Variants in PML observed in about 807,000 individuals in gnomAD.
PML encodes protein PML.
PML carries 28 observed loss-of-function variants against 65.2 expected under a neutral mutation model. The ratio of observed to expected loss-of-function variants is 0.43; its 90% confidence interval spans 0.32 to 0.59. The LOEUF (loss-of-function observed/expected upper bound fraction) is 0.59, where lower values mean the gene tolerates loss of function less well. Among genes scored for constraint, PML ranks in the 20% least tolerant of loss-of-function variants. PML has a pLI of 0.08. For missense variants in PML, 1,021 were observed against 1,203.4 expected (o/e 0.85, Z 2.24); for synonymous variants, 500 against 508.8 (o/e 0.98, Z 0.23).
chr15:74,025,187 G>A (rs1236043097), intron 4 of PML: 3 of 519,410 alleles, frequency 5.8e-6, no homozygotes, highest in Non-Finnish European at 1.1e-5. Flanking sequence ...GTTAGATGTG[G>A]GGTAGACAGT....
intron 1 of PML, among the ~76,000 whole-genome samples, chr15:73,996,990 A>C (rs949178938): frequency 2.6e-5 from 4 of 152,248 alleles, no homozygotes; most frequent in African/African-American, 9.6e-5. Flanking sequence ...ATGAAAGCAG[A>C]GATTTATTGA....
At chr15:74,036,555 G>A (rs1311054267) in intron 7 of PML, among the ~76,000 whole-genome samples, 1 of 152,088 alleles carries the variant, frequency 6.6e-6, no homozygotes, top group African/African-American at 2.4e-5. Flanking sequence ...GGGAGGTAGG[G>A]TCAAGGCCCC....
At chr15:74,031,363 C>A in intron 4 of PML, 2 of 380,146 alleles carry the variant, frequency 5.3e-6, no homozygotes, top group Non-Finnish European at 1.0e-5. Flanking sequence ...CAATGTCTGC[C>A]TCAGGGCTCA....
intron 7 of PML, chr15:74,036,530 A>C: frequency 1.4e-5 from 13 of 951,264 alleles, no homozygotes; most frequent in African/African-American, 3.4e-5. Context: ...TCCCACACTC[A>C]TGGGCATCAG....
rs536545703 is a variant in PML at position 74,007,090 on chromosome 15, T to G, written c.602+8614T>G. ...GTAAGGTTTGTTTGTGCGGGCCTACTTGGTGCCAGCTTTCCATCTTCGTGG... is the reference window on the plus strand; with the variant it reads ...GTAAGGTTTGTTTGTGCGGGCCTACGTGGTGCCAGCTTTCCATCTTCGTGG... On this transcript the variant is annotated intron_variant, in intron 2 of 8. Transcript: ENST00000268058. 9.2e-5 allele frequency among the ~76,000 whole-genome samples: 14 copies of G among 152,344 alleles called. No homozygotes were observed. In the East Asian group the frequency reaches 2.7e-3, roughly 29 times the overall value.
chr15:74,045,803 T>A lies in PML; in HGVS notation c.*795T>A. 1 of 232,410 alleles carries A rather than the reference T, an allele frequency of 4.3e-6. No homozygotes were observed. Among genetic ancestry groups the A allele is most frequent in the Non-Finnish European group, 8.5e-6 (1 of 117,552 alleles). 14.4% of individuals were successfully genotyped at this position (232,410 alleles called of 1,614,324 possible). On this transcript the variant is annotated 3_prime_UTR_variant, in exon 9 of 9. Coordinates refer to ENST00000268058, the MANE Select transcript of PML (RefSeq NM_033238.3). ...GTGCCCAGCACTACTCAGCATGTAG[T>A]CCAGGACCTGCGGCATCAGCATCCC...
chr15:74,044,940 C>G lies in PML; in HGVS notation c.2581C>G (p.Arg861Gly). 1 of 1,612,926 alleles carries G rather than the reference C, an allele frequency of 6.2e-7. No homozygotes were observed. Among genetic ancestry groups the G allele is most frequent in the Non-Finnish European group, 8.5e-7 (1 of 1,179,926 alleles). The change falls in exon 9 of 9, where the codon CGG becomes GGG. Residue 861 changes from arginine (R) to glycine (G), a missense_variant. Arg to Gly is a moderately radical substitution (Grantham distance 125, BLOSUM62 -2). Transcript: ENST00000268058. ...EGLLEGPALA[R>G]AEGVSTPLAG... ...CCTGTTGGAGGGTCCGGCGCTGGCA[C>G]GGGCAGAAGGAGTCTCCACCCCACT...
In PML at chr15:74,044,736, G is replaced by T; in HGVS notation, c.2377G>T (p.Ala793Ser). The T allele has an allele frequency of 6.2e-7, 1 of 1,610,602 alleles. No homozygotes were observed. The highest frequency in any genetic ancestry group is 1.3e-5 in the African/African-American group (1 of 75,052). The change falls in exon 9 of 9, where the codon GCT becomes TCT. Residue 793 changes from alanine (A) to serine (S), a missense_variant. Physicochemically the swap from Ala to Ser is moderately conservative, Grantham distance 99. Coordinates refer to ENST00000268058, the MANE Select transcript of PML (RefSeq NM_033238.3). ...PLVQAAVLPR[A>S]EARLLALHNV... is the part of the protein sequence containing the mutation. ...GGTGCAGGCAGCTGTGCTGCCCCGG[G>T]CTGAGGCCCGCCTCCTGGCCCTACA...
chr15:74,013,997 T>G (rs553739009), intron 2 of PML, among the ~76,000 whole-genome samples: 1 of 152,306 alleles, frequency 6.6e-6, no homozygotes, highest in Admixed American at 6.5e-5. Context: ...TCTCCTTTAA[T>G]AACATATAAC....
Position 74,043,460 on chromosome 15 carries a change from T to G in PML, c.1861+321T>G. The stretch of plus-strand genomic sequence containing the variant: ...GACAGAAACACAATGCGTGAGCTCA[T>G]TGCCGTGAGCCCTGTCATCCAAGTA... On this transcript the variant is annotated intron_variant, in intron 8 of 8. Transcript: ENST00000268058. The surrounding 1 kb of genome is among the most constrained non-coding windows in gnomAD (Gnocchi z 4.3). 1 of 1,219,634 alleles carries G rather than the reference T, an allele frequency of 8.2e-7. No individual in the cohort carries two copies. Among genetic ancestry groups the G allele is most frequent in the Non-Finnish European group, 1.1e-6 (1 of 926,370 alleles). 75.6% of individuals were successfully genotyped at this position (1,219,634 alleles called of 1,614,324 possible).
At position 74,037,077 on chromosome 15, in the gene PML, G is replaced by A. The variant is rs1171483270; in HGVS notation, c.1710+2547G>A. On this transcript the variant is annotated intron_variant, in intron 7 of 8. Coordinates refer to ENST00000268058, the MANE Select transcript of PML (RefSeq NM_033238.3). The surrounding 1 kb of genome is among the most constrained non-coding windows in gnomAD (Gnocchi z 4.2). The stretch of plus-strand genomic sequence containing the variant: ...TGCCACCTGGAGACCGAGATCTGCA[G>A]GAGAAAGGCCTGGGAAAACTATGAG... 1.0e-6 allele frequency: 1 copy of A among 985,326 alleles called. No homozygotes were observed. Among genetic ancestry groups the A allele is most frequent in the African/African-American group, 1.7e-5 (1 of 57,246 alleles). The allele number at this position is 985,326 out of a possible 1,614,324, so 61.0% of individuals were successfully genotyped here.
At chr15:74,010,739 A>G (rs1336655843) in intron 2 of PML, among the ~76,000 whole-genome samples, 1 of 152,116 alleles carries the variant, frequency 6.6e-6, no homozygotes, top group Non-Finnish European at 1.5e-5. Context: ...GCCTATGGAT[A>G]AGTTGCATGT....
chr15:74,042,940 C>G lies in PML; in HGVS notation c.1711-49C>G. On this transcript the variant is annotated intron_variant, in intron 7 of 8. Coordinates refer to ENST00000268058, the MANE Select transcript of PML (RefSeq NM_033238.3). This position sits in a 1 kb window ranked among gnomAD's most constrained non-coding sequence, Gnocchi z 5.3. ...AGCTTGCTAGTGTTCTGCACAGGTGCTTGCCTTGGCCCTCTGAATCCCTGA... is the reference window on the plus strand; with the variant it reads ...AGCTTGCTAGTGTTCTGCACAGGTGGTTGCCTTGGCCCTCTGAATCCCTGA... 1 of 1,612,328 alleles carries G rather than the reference C, an allele frequency of 6.2e-7. No homozygotes were observed. Among genetic ancestry groups the G allele is most frequent in the East Asian group, 2.2e-5 (1 of 44,838 alleles).
chr15:74,043,101 G>C lies in PML; in HGVS notation c.1823G>C (p.Arg608Thr). ...ENLADPQAED[R>T]PLVFFDLKID... is the part of the protein sequence containing the mutation. ...CTTGCTGACCCCCAAGCAGAAGACA[G>C]ACCTCTGGTTTTCTTTGACCTCAAG... Residue 608 changes from arginine (R) to threonine (T), a missense_variant, in exon 8 of 9, where the codon AGA becomes ACA. Arg to Thr is a moderately conservative substitution (Grantham distance 71, BLOSUM62 -1). Transcript: ENST00000268058. This position sits in a 1 kb window ranked among gnomAD's most constrained non-coding sequence, Gnocchi z 4.3. The C allele has an allele frequency of 6.2e-7, 1 of 1,613,576 alleles. No homozygotes were observed. The highest frequency in any genetic ancestry group is 8.5e-7 in the Non-Finnish European group (1 of 1,179,944).
rs916147857 is a variant in PML at position 74,044,464 on chromosome 15, A to T, written c.2105A>T (p.Glu702Val). The T allele has an allele frequency of 6.2e-7, 1 of 1,614,108 alleles. No homozygotes were observed. The highest frequency in any genetic ancestry group is 8.5e-7 in the Non-Finnish European group (1 of 1,179,978). Reference sequence around the variant, plus strand: ...ATTAACAGGCTGTGGGAATTCCAGGAGGCCATCTCGGGCTTCCTGGCTGCC... The same window carrying T: ...ATTAACAGGCTGTGGGAATTCCAGGTGGCCATCTCGGGCTTCCTGGCTGCC... ...EDINRLWEFQ[E>V]AISGFLAALP... Residue 702 changes from glutamate (E) to valine (V), a missense_variant, in exon 9 of 9, where the codon GAG becomes GTG. Physicochemically the swap from Glu to Val is moderately radical, Grantham distance 121. Coordinates refer to ENST00000268058, the MANE Select transcript of PML (RefSeq NM_033238.3).
intron 2 of PML, among the ~76,000 whole-genome samples, chr15:74,007,322 G>A (rs1023475441): frequency 1.3e-5 from 2 of 152,158 alleles, no homozygotes; most frequent in East Asian, 3.9e-4. Flanking sequence ...GGCATATTTT[G>A]GAGTGGCATA....
chr15:74,043,822 G>A lies in PML; in HGVS notation c.1862-399G>A. On this transcript the variant is annotated intron_variant, in intron 8 of 8. Transcript: ENST00000268058. This position sits in a 1 kb window ranked among gnomAD's most constrained non-coding sequence, Gnocchi z 4.3. ...TTCTATGTCCCAGGGCTCTGACTGG[G>A]CTGGGGTCCTTGAGGGGATTGGAGG... is the stretch of plus-strand genomic sequence containing the variant. 1.9e-6 allele frequency: 1 copy of A among 531,228 alleles called. No individual in the cohort carries two copies. Among genetic ancestry groups the A allele is most frequent in the Non-Finnish European group, 3.7e-6 (1 of 271,874 alleles). The allele number at this position is 531,228 out of a possible 1,614,324, so 32.9% of individuals were successfully genotyped here.
chr15:74,003,808 G>A (rs899253665), intron 2 of PML, among the ~76,000 whole-genome samples: 2 of 152,046 alleles, frequency 1.3e-5, no homozygotes, highest in African/African-American at 4.8e-5. Flanking sequence ...ATTATTTAAG[G>A]TGATTAATTT....
chr15:74,033,476 C>T (rs754394433), intron 6 of PML, 62 bp downstream of exon 6: 74 of 1,588,504 alleles, frequency 4.7e-5, no homozygotes, highest in Non-Finnish European at 6.0e-5. Flanking sequence ...CGGTGCCCCT[C>T]TTCTGTATTT....
Sources: gnomAD v4.1 joint callset for allele counts (sites outside exome capture counted in the v4.1 genomes callset) on GRCh38, gnomAD v4.1.1 for gene constraint, Gnocchi (gnomAD v3.1) non-coding constraint, MANE v1.5 for transcripts, NCBI Gene and HGNC (gene_info 2026-07-23, HGNC 2026-07-21) for gene names.